The following MIS18A variants were observed in gnomAD, a reference collection of about 807,000 sequenced individuals.
MIS18A encodes protein Mis18-alpha.
Under a neutral mutation model 25.0 loss-of-function variants are expected in MIS18A, and 14 were observed. The ratio of observed to expected loss-of-function variants is 0.56; its 90% CI spans 0.37 to 0.88. The LOEUF is 0.88. Among genes scored for constraint, MIS18A ranks in the 40% least tolerant of loss-of-function variants. MIS18A has a pLI of 0.00. For synonymous variants in MIS18A, 134 were observed against 118.6 expected, an observed-to-expected ratio of 1.13 and a Z score of -0.84; for missense variants, 292 against 290.8, an observed-to-expected ratio of 1.00 and a Z score of -0.03.
chr21:32,227,821 C>G, the MIS18A span, among the ~76,000 whole-genome samples: 1 of 152,098 alleles, frequency 6.6e-6, no homozygotes, highest in Non-Finnish European at 1.5e-5. Context: ...TAAACCAAAT[C>G]CAACAACATA....
At chr21:32,200,548 C>G in the MIS18A span, among the ~76,000 whole-genome samples, 5 of 151,876 alleles carry the variant, frequency 3.3e-5, no homozygotes, top group Non-Finnish European at 7.4e-5. Flanking sequence ...ATTCTCCTGC[C>G]TCAGCCTCCC....
chr21:32,180,358 C>A, the MIS18A span, among the ~76,000 whole-genome samples: 1 of 152,150 alleles, frequency 6.6e-6, no homozygotes, highest in Non-Finnish European at 1.5e-5. Flanking sequence ...GCTGCCAGAC[C>A]CCATTATGCC....
At chr21:32,221,860 C>G in the MIS18A span, among the ~76,000 whole-genome samples, 1 of 152,020 alleles carries the variant, frequency 6.6e-6, no homozygotes, top group African/African-American at 2.4e-5. Context: ...CCACTGCACT[C>G]CAGCCTGGAC....
chr21:32,157,144 C>T, the MIS18A span, among the ~76,000 whole-genome samples: 3 of 149,628 alleles, frequency 2.0e-5, no homozygotes, highest in South Asian at 2.1e-4. Flanking sequence ...CAACCTCTGC[C>T]GCCCGGGTTC....
the MIS18A span, among the ~76,000 whole-genome samples, chr21:32,251,322 A>G: frequency 6.6e-6 from 1 of 151,714 alleles, no homozygotes; most frequent in East Asian, 1.9e-4. Flanking sequence ...TAAATGTACC[A>G]ATTCAATACC....
chr21:32,236,881 G>T, the MIS18A span, among the ~76,000 whole-genome samples: 2,439 of 152,258 alleles, frequency 0.016, 65 homozygotes, highest in African/African-American at 0.056. Flanking sequence ...GGATATGGGG[G>T]TACAGTTTGC....
intron 1 of MIS18A, 175 bp downstream of exon 1, chr21:32,278,506 G>A (rs2031860846): frequency 1.0e-5 from 7 of 669,002 alleles, no homozygotes; most frequent in Middle Eastern, 8.5e-4. Flanking sequence ...GAGAGCCAAA[G>A]TGGAGGGGTG....
chr21:32,178,157 C>T, the MIS18A span, among the ~76,000 whole-genome samples: 1 of 152,084 alleles, frequency 6.6e-6, no homozygotes, highest in Non-Finnish European at 1.5e-5. Flanking sequence ...TGGGCTCAAG[C>T]ACTCCTCACA....
At chr21:32,269,172 TAC>T in intron 4 of MIS18A, 55 bp from the exon 5 acceptor site, 2 of 1,257,126 alleles carry the variant, frequency 1.6e-6, no homozygotes, top group Non-Finnish European at 2.2e-6. Context: ...TTAAAAATTA[TAC>T]ATGGTTAAAT....
chr21:32,159,260 T>C, the MIS18A span, among the ~76,000 whole-genome samples: 5 of 152,210 alleles, frequency 3.3e-5, no homozygotes, highest in Admixed American at 6.5e-5. Context: ...CTCATTAATT[T>C]TGTAGTTTGC....
the MIS18A span, among the ~76,000 whole-genome samples, chr21:32,237,105 C>T: frequency 0.012 from 1,605 of 134,176 alleles, 25 homozygotes; most frequent in African/African-American, 0.042. Context: ...GAGATGTGGG[C>T]AGAAGTGACG....
At chr21:32,158,753 GC>G in the MIS18A span, among the ~76,000 whole-genome samples, 19 of 152,240 alleles carry the variant, frequency 1.2e-4, no homozygotes, top group East Asian at 2.7e-3. Context: ...AGAATTACAG[GC>G]ATGAGCCACC....
chr21:32,169,418 G>A, the MIS18A span, among the ~76,000 whole-genome samples: 1 of 152,220 alleles, frequency 6.6e-6, no homozygotes, highest in Admixed American at 6.5e-5. Context: ...CATCACAGCT[G>A]CCTCAAGTGG....
At chr21:32,246,252 C>T in the MIS18A span, among the ~76,000 whole-genome samples, 1 of 152,184 alleles carries the variant, frequency 6.6e-6, no homozygotes, top group African/African-American at 2.4e-5. Flanking sequence ...ACAAACTCTA[C>T]CACCACCCCT....
chr21:32,234,400 G>A, the MIS18A span, among the ~76,000 whole-genome samples: 3 of 152,020 alleles, frequency 2.0e-5, no homozygotes, highest in Admixed American at 1.3e-4. Flanking sequence ...AATGCCTAAC[G>A]TGCTGAAGTT....
At chr21:32,229,988 G>A in the MIS18A span, among the ~76,000 whole-genome samples, 1 of 152,070 alleles carries the variant, frequency 6.6e-6, no homozygotes, top group Admixed American at 6.6e-5. Context: ...TAAAACAAAA[G>A]AATGCTCTGA....
the MIS18A span, among the ~76,000 whole-genome samples, chr21:32,160,721 TC>T: frequency 6.6e-6 from 1 of 151,928 alleles, no homozygotes; most frequent in Non-Finnish European, 1.5e-5. Context: ...AACCTCCGCT[TC>T]CCGGGTTCAA....
At chr21:32,212,166 C>A in the MIS18A span, among the ~76,000 whole-genome samples, 3 of 152,218 alleles carry the variant, frequency 2.0e-5, no homozygotes, top group East Asian at 5.8e-4. Context: ...TCAAGGCAAC[C>A]CAGTATGCTT....
chr21:32,256,033 T>C, the MIS18A span, among the ~76,000 whole-genome samples: 8 of 152,294 alleles, frequency 5.3e-5, no homozygotes, highest in East Asian at 1.5e-3. Context: ...AGGATAACCA[T>C]AAATGTGTTT....
Sources: gnomAD v4.1 joint callset for allele counts (sites outside exome capture counted in the v4.1 genomes callset) on GRCh38, gnomAD v4.1.1 for gene constraint, MANE v1.5 for transcripts, NCBI Gene and HGNC (gene_info 2026-07-23, HGNC 2026-07-21) for gene names.